Variants in ITPR3 observed in about 807,000 individuals in gnomAD.
The protein encoded by ITPR3 is inositol 1,4,5-trisphosphate receptor type 3, also known as inositol 1,4,5-trisphosphate-gated calcium channel ITPR3.
In ITPR3, 173 loss-of-function variants were observed where a neutral mutation model predicts 293.2. The ratio of observed to expected loss-of-function variants is 0.59; its 90% CI spans 0.52 to 0.67. The LOEUF is 0.67. Ranked by LOEUF, ITPR3 falls within the 30% of genes least tolerant of loss-of-function variation. The probability of loss-of-function intolerance (pLI) is 0.00; values close to 1 mark genes in which losing one functional copy is unlikely to be tolerated. For missense variants in ITPR3, 2,796 were observed against 3,592.1 expected (o/e 0.78, Z 5.66); for synonymous variants, 1,295 against 1,444.4 (o/e 0.90, Z 2.35).
chr6:33,640,353 G>A, intron 1 of ITPR3, 131 bp from the exon 2 acceptor site: 1 of 782,374 alleles, frequency 1.3e-6, no homozygotes, highest in Non-Finnish European at 2.0e-6. Context: ...CTTGATGGTG[G>A]GGAGCTTGTT....
In ITPR3 at chr6:33,659,520, C is replaced by T. The variant is rs760333138; in HGVS notation, c.682C>T (p.Arg228Trp). ...GAAGATCAACCTGTTTATGCAGTTT[C>T]GGGACCACCTGGAGGAGGTGTTGAA... ...SWKINLFMQF[R>W]DHLEEVLKGG... The change falls in exon 7 of 58, where the codon CGG (arginine) becomes TGG (tryptophan). Residue 228 changes from arginine to tryptophan, a missense_variant. Coordinates refer to ENST00000605930, the MANE Select transcript of ITPR3 (RefSeq NM_002224.4). 7.4e-6 allele frequency: 12 copies of T among 1,613,962 alleles called. No homozygotes were observed. The highest frequency in any genetic ancestry group is 5.5e-5 in the South Asian group (5 of 91,078).
chr6:33,625,736 G>A (rs1449765418), intron 1 of ITPR3, among the ~76,000 whole-genome samples: 2 of 152,180 alleles, frequency 1.3e-5, no homozygotes, highest in African/African-American at 4.8e-5. Flanking sequence ...GTGAGTAGGA[G>A]ATGCTGCCTC....
rs1052630422 is a variant in ITPR3 at position 33,687,621 on chromosome 6, C to T, written c.6264+57C>T. The T allele has an allele frequency of 5.0e-6, 7 of 1,413,038 alleles. No homozygotes were observed. The highest frequency in any genetic ancestry group is 3.0e-6 in the Non-Finnish European group (3 of 1,011,668). The allele number at this position is 1,413,038 out of a possible 1,614,324, so 87.5% of individuals were successfully genotyped here. On this transcript the variant is annotated intron_variant, in intron 46 of 57. Coordinates refer to ENST00000605930, the MANE Select transcript of ITPR3 (RefSeq NM_002224.4). The surrounding 1 kb of genome is among the most constrained non-coding windows in gnomAD (Gnocchi z 5.3). Reference sequence around the variant, plus strand: ...TGGGGCCTGGAACCCAGGGAGGACACTTGACCCAAGGGCGTGGCCTGGAAC... The same window carrying T: ...TGGGGCCTGGAACCCAGGGAGGACATTTGACCCAAGGGCGTGGCCTGGAAC...
chr6:33,663,906 G>A, intron 11 of ITPR3, 26 bp downstream of exon 11: 2 of 1,612,992 alleles, frequency 1.2e-6, no homozygotes, highest in Non-Finnish European at 1.7e-6. Flanking sequence ...GTGCCTGGGA[G>A]TTGACTGGTG....
At chr6:33,694,701 AAGTC>A in intron 56 of ITPR3, 1 of 550,804 alleles carries the variant, frequency 1.8e-6, no homozygotes, top group South Asian at 2.3e-5. Context: ...TGCCTAACGG[AAGTC>A]AGCCTGTCTC....
At position 33,672,757 on chromosome 6, in the gene ITPR3, A is replaced by C. The variant is rs1302729883; in HGVS notation, c.2928+529A>C. 1.3e-5 allele frequency among the ~76,000 whole-genome samples: 2 copies of C among 152,016 alleles called. No individual in the cohort carries two copies. Among genetic ancestry groups the C allele is most frequent in the African/African-American group, 4.8e-5 (2 of 41,370 alleles). The stretch of plus-strand genomic sequence containing the variant: ...GGGAAAGTAAAAGCGGGGAGGTAAA[A>C]GCGGGGGCCGGGGGGTGCTTTCCCA... On this transcript the variant is annotated intron_variant, in intron 22 of 57. Coordinates refer to ENST00000605930, the MANE Select transcript of ITPR3 (RefSeq NM_002224.4). This position sits in a 1 kb window ranked among gnomAD's most constrained non-coding sequence, Gnocchi z 5.0.
rs1381836563 is a variant in ITPR3, at chr6:33,633,499, G to A, written c.90-6985G>A. The stretch of plus-strand genomic sequence containing the variant: ...GGGCGCTAAGGCCAGGGACGTCGGT[G>A]CCATCAGGTGGGGAGGGGTACCCCG... On this transcript the variant is annotated intron_variant, in intron 1 of 57. Coordinates refer to ENST00000605930, the MANE Select transcript of ITPR3 (RefSeq NM_002224.4). This position sits in a 1 kb window ranked among gnomAD's most constrained non-coding sequence, Gnocchi z 5.2. Among the ~76,000 whole-genome samples, 1 of 152,092 alleles carries A rather than the reference G, an allele frequency of 6.6e-6. No homozygotes were observed. Among genetic ancestry groups the A allele is most frequent in the Non-Finnish European group, 1.5e-5 (1 of 67,996 alleles).
Position 33,689,313 on chromosome 6 carries a change from A to C in ITPR3, c.6770A>C (p.Lys2257Thr), listed in dbSNP as rs779475050. 1 of 1,612,814 alleles carries C rather than the reference A, an allele frequency of 6.2e-7. No homozygotes were observed. Among genetic ancestry groups the C allele is most frequent in the South Asian group, 1.1e-5 (1 of 91,086 alleles). The stretch of plus-strand genomic sequence containing the variant: ...TTCTCCATCGCGGCCCTGTTCACCA[A>C]GCGCTACAGCATCCGCCCCCTCATC... ...ICFSIAALFT[K>T]RYSIRPLIVA... is the part of the protein sequence containing the mutation. Residue 2257 changes from lysine (K) to threonine (T), a missense_variant, in exon 50 of 58, where the codon AAG (lysine) becomes ACG (threonine). By Grantham distance (78) the Lys-to-Thr change is moderately conservative. This residue lies in a region of ITPR3 where 568 missense variants were observed against 796.1 expected (regional missense o/e 0.71). Coordinates refer to ENST00000605930, the MANE Select transcript of ITPR3 (RefSeq NM_002224.4).
chr6:33,628,658 T>C (rs1402660643), intron 1 of ITPR3, among the ~76,000 whole-genome samples: 2 of 152,080 alleles, frequency 1.3e-5, no homozygotes, highest in Non-Finnish European at 2.9e-5. Flanking sequence ...GATTTCCACT[T>C]GGGGAGACAG....
chr6:33,680,798 G>T, intron 33 of ITPR3, 118 bp downstream of exon 33: 6 of 1,211,580 alleles, frequency 5.0e-6, no homozygotes, highest in African/African-American at 1.6e-5. Flanking sequence ...GTAACAAAAG[G>T]ATACATAAGT....
At position 33,691,287 on chromosome 6, in the gene ITPR3, C is replaced by T. The variant is rs1280305775; in HGVS notation, c.7225+178C>T. On this transcript the variant is annotated intron_variant, in intron 52 of 57. Transcript: ENST00000605930. The surrounding 1 kb of genome is among the most constrained non-coding windows in gnomAD (Gnocchi z 4.9). ...CTGCCTCGCTCTTTTCTGGAACACA[C>T]TGAGTGGGTGGGAGAGCCTTGGGTC... Among the ~76,000 whole-genome samples the T allele has an allele frequency of 6.6e-6, 1 of 152,216 alleles. No homozygotes were observed.
rs763954989 is a variant in ITPR3, at chr6:33,692,027, A to G, written c.7458+99A>G. 1.3e-6 allele frequency: 2 copies of G among 1,505,080 alleles called. No individual in the cohort carries two copies. Among genetic ancestry groups the G allele is most frequent in the Admixed American group, 1.7e-5 (1 of 59,324 alleles). 93.2% of individuals were successfully genotyped at this position (1,505,080 alleles called of 1,614,324 possible). On this transcript the variant is annotated intron_variant, in intron 54 of 57. Coordinates refer to ENST00000605930, the MANE Select transcript of ITPR3 (RefSeq NM_002224.4). This position sits in a 1 kb window ranked among gnomAD's most constrained non-coding sequence, Gnocchi z 4.2. ...GTCCTTGGCCTCGCGTCAGATATTC[A>G]GGGTTGAACCCCCTCCCCCGAACTT...
chr6:33,690,491 T>C (rs992759583), intron 51 of ITPR3, among the ~76,000 whole-genome samples: 1 of 152,190 alleles, frequency 6.6e-6, no homozygotes, highest in African/African-American at 2.4e-5. Context: ...ACTAGCTGTG[T>C]AACTGGGCAA....
Position 33,669,008 on chromosome 6 carries a change from G to A in ITPR3, c.2041G>A (p.Glu681Lys), listed in dbSNP as rs549235635. The A allele has an allele frequency of 1.4e-5, 23 of 1,614,060 alleles. No individual in the cohort carries two copies. Among genetic ancestry groups the A allele is most frequent in the African/African-American group, 2.7e-5 (2 of 75,060 alleles). ...RPVKEMAQSH[E>K]YLSIEYSEEE... is the part of the protein sequence containing the mutation. Reference sequence around the variant, plus strand: ...CGTGAAGGAGATGGCCCAATCCCACGAGTACCTGAGCATCGAGTACTCAGA... The same window carrying A: ...CGTGAAGGAGATGGCCCAATCCCACAAGTACCTGAGCATCGAGTACTCAGA... Residue 681 changes from glutamate to lysine, a missense_variant, in exon 18 of 58, where the codon GAG becomes AAG. By Grantham distance (56) the Glu-to-Lys change is moderately conservative. Around this residue, in one of 8 missense-constraint regions of ITPR3, gnomAD observed 955 missense variants for 1,180.8 expected, o/e 0.81. Transcript: ENST00000605930.
chr6:33,683,734 G>A lies in ITPR3; in HGVS notation c.4789-286G>A, dbSNP rs1582158352. Among the ~76,000 whole-genome samples the A allele has an allele frequency of 1.3e-5, 2 of 152,304 alleles. No individual in the cohort carries two copies. Among genetic ancestry groups the A allele is most frequent in the East Asian group, 1.9e-4 (1 of 5,188 alleles). ...GCTGTCTCGTTGGCCTGTAGAGGGG[G>A]TGTGGTGGATTATTTTCCCCACGTG... On this transcript the variant is annotated intron_variant, in intron 35 of 57. Coordinates refer to ENST00000605930, the MANE Select transcript of ITPR3 (RefSeq NM_002224.4). This position sits in a 1 kb window ranked among gnomAD's most constrained non-coding sequence, Gnocchi z 4.5.
rs1251491963 is a variant in ITPR3, at chr6:33,688,489, T to C, written c.6568+58T>C. 4 of 1,500,744 alleles carry C rather than the reference T, an allele frequency of 2.7e-6. No individual in the cohort carries two copies. In the Admixed American group the frequency reaches 8.0e-5, roughly 30 times the overall value. 93.0% of individuals were successfully genotyped at this position (1,500,744 alleles called of 1,614,324 possible). ...CTGGAGCTGTTCACTGATGCCCTGT[T>C]ATAACGGCCTCCTTTGCCTGCCTGT... On this transcript the variant is annotated intron_variant, in intron 48 of 57. Transcript: ENST00000605930.
At position 33,688,453 on chromosome 6, in the gene ITPR3, G is replaced by A. The variant is rs1378042953; in HGVS notation, c.6568+22G>A. 8 of 1,458,178 alleles carry A rather than the reference G, an allele frequency of 5.5e-6. No homozygotes were observed. The Admixed American group carries it at 6.1e-5, about 11-fold the overall frequency. 90.3% of individuals were successfully genotyped at this position (1,458,178 alleles called of 1,614,324 possible). A position where few individuals can be genotyped will look rare whatever the true frequency, so the allele number is the denominator to read the frequency against. ...CGCAGTGAGGACCCACGGGCGGGAG[G>A]GTGGGGCGGTCTGGAGCTGTTCACT... On this transcript the variant is annotated intron_variant, in intron 48 of 57. Transcript: ENST00000605930.
chr6:33,621,819 G>T lies in ITPR3; in HGVS notation c.89+128G>T. The T allele has an allele frequency of 1.5e-6, 1 of 681,832 alleles. No individual in the cohort carries two copies. Among genetic ancestry groups the T allele is most frequent in the African/African-American group, 1.8e-5 (1 of 54,736 alleles). The allele number at this position is 681,832 out of a possible 1,614,324, so 42.2% of individuals were successfully genotyped here. ...ACGTCCCCCTAGTCTCAAGGAGCGG[G>T]AACGGCTCGCCTCCTTCTTTTACAG... On this transcript the variant is annotated intron_variant, in intron 1 of 57. Coordinates refer to ENST00000605930, the MANE Select transcript of ITPR3 (RefSeq NM_002224.4). The surrounding 1 kb of genome is among the most constrained non-coding windows in gnomAD (Gnocchi z 7.7).
intron 23 of ITPR3, 23 bp downstream of exon 23, chr6:33,673,743 G>T: frequency 6.2e-7 from 1 of 1,612,898 alleles, no homozygotes; most frequent in South Asian, 1.1e-5. Flanking sequence ...CCTGCCTTCA[G>T]GCTGAGGCTG....
Sources: allele counts gnomAD v4.1 joint callset (sites outside exome capture counted in the v4.1 genomes callset), GRCh38; gene constraint gnomAD v4.1.1; regional missense constraint gnomAD v4.1.1; non-coding constraint Gnocchi (gnomAD v3.1); transcripts MANE v1.5; gene names NCBI Gene and HGNC (gene_info 2026-07-23, HGNC 2026-07-21).